The following SUGP2 variants were observed in gnomAD, a reference collection of about 807,000 sequenced individuals.
The protein encoded by SUGP2 is SURP and G-patch domain-containing protein 2.
A neutral mutation model predicts 90.5 loss-of-function variants in SUGP2; 24 were observed. The observed-to-expected ratio is 0.27, with a 90% CI of 0.19 to 0.37. The LOEUF (loss-of-function observed/expected upper bound fraction) is 0.37. Ranked by LOEUF, SUGP2 falls within the 10% of genes least tolerant of loss-of-function variation. SUGP2 has a pLI of 1.00. For synonymous variants in SUGP2, 473 were observed against 513.4 expected (o/e 0.92, Z 1.06); for missense variants, 1,233 against 1,363.3 (o/e 0.90, Z 1.51).
Position 19,005,726 on chromosome 19 carries a change from G to A in SUGP2, c.2451-1080C>T, listed in dbSNP as rs141407157. Among the ~76,000 whole-genome samples the A allele has an allele frequency of 8.5e-5, 13 of 152,110 alleles. No individual in the cohort carries two copies. The East Asian group carries it at 2.5e-3, about 29-fold the overall frequency. ...GTCTCACTCTGTCGTCCAGGCTAGA[G>A]TGCAGTGGTGTGATCACAGCTCACT... On this transcript the variant is annotated intron_variant, in intron 6 of 10. Transcript: ENST00000452918.
chr19:19,013,000 A>G (rs1439505888), intron 4 of SUGP2, among the ~76,000 whole-genome samples: 1 of 151,926 alleles, frequency 6.6e-6, no homozygotes, highest in Admixed American at 6.6e-5. Context: ...AGTAGCTGGG[A>G]TTATAGGCAC....
At chr19:19,002,883 C>T (rs929873168) in intron 7 of SUGP2, among the ~76,000 whole-genome samples, 16 of 152,134 alleles carry the variant, frequency 1.1e-4, no homozygotes, top group African/African-American at 3.9e-4. Flanking sequence ...AAAAACTCCA[C>T]CTCCCCCCAA....
chr19:19,033,638 T>A, upstream of SUGP2: 2 of 1,076,430 alleles, frequency 1.9e-6, no homozygotes, highest in Non-Finnish European at 2.3e-6. Flanking sequence ...CGCTGTCCGC[T>A]TCTTCTGGGC....
At chr19:18,999,249 C>A (rs1418279629) in intron 8 of SUGP2, among the ~76,000 whole-genome samples, 4 of 152,196 alleles carry the variant, frequency 2.6e-5, no homozygotes, top group African/African-American at 9.7e-5. Flanking sequence ...GCTGCAGCCA[C>A]CACGGCCTCC....
In SUGP2 at chr19:19,019,138, T is replaced by C. The variant is rs1483381968; in HGVS notation, c.1821A>G (p.Arg607=). ...VIEGSLSPKE[R]TLLKEDPAYW... ...AAGCAGGGTCCTCTTTGAGAAGAGT[T>C]CTCTCTTTGGGAGACAGGCTGCCTT... The change falls in exon 4 of 11, where the codon AGA becomes AGG. Residue 607 remains arginine, a synonymous_variant. Transcript: ENST00000452918. 2 of 1,614,050 alleles carry C rather than the reference T, an allele frequency of 1.2e-6. No homozygotes were observed. The highest frequency in any genetic ancestry group is 1.1e-5 in the South Asian group (1 of 91,078).
intron 6 of SUGP2, among the ~76,000 whole-genome samples, chr19:19,004,911 G>A (rs2058002260): frequency 6.6e-6 from 1 of 152,200 alleles, no homozygotes; most frequent in Non-Finnish European, 1.5e-5. Flanking sequence ...GGTATGCAGG[G>A]CTTGGGAAAA....
intron 2 of SUGP2, among the ~76,000 whole-genome samples, chr19:19,026,985 A>G (rs910289733): frequency 6.6e-6 from 1 of 152,192 alleles, no homozygotes; most frequent in African/African-American, 2.4e-5. Flanking sequence ...CTCCATGTAG[A>G]AAAGGGGAAA....
rs771202752 is a variant in SUGP2, at chr19:19,010,260, G to T, written c.1933C>A (p.Arg645=). The T allele has an allele frequency of 3.1e-6, 5 of 1,613,902 alleles. No individual in the cohort carries two copies. The highest frequency in any genetic ancestry group is 3.3e-5 in the Admixed American group (2 of 60,004). The change falls in exon 5 of 11, where the codon CGA becomes AGA. Residue 645 remains arginine, a synonymous_variant. Transcript: ENST00000452918. The part of the protein sequence containing the change: ...AEMQRMSENL[R]GADQKPTSAD... The stretch of plus-strand genomic sequence containing the variant: ...GAGGTCGGCTTCTGGTCGGCTCCTC[G>T]CAAGTTCTCGCTCATCCGCTGCATT...
At chr19:18,998,639 CAT>C (rs1321295646) in intron 8 of SUGP2, among the ~76,000 whole-genome samples, 12 of 151,834 alleles carry the variant, frequency 7.9e-5, no homozygotes, top group African/African-American at 1.4e-4. Flanking sequence ...TATGCGTGCA[CAT>C]GTGTGTATCT....
intron 6 of SUGP2, among the ~76,000 whole-genome samples, chr19:19,006,404 T>C (rs1243189351): frequency 6.6e-6 from 1 of 151,930 alleles, no homozygotes; most frequent in Non-Finnish European, 1.5e-5. Flanking sequence ...CCTTGCCCAG[T>C]ATTGTGGTCA....
At chr19:18,994,645 C>T in intron 9 of SUGP2, 159 bp from the exon 10 acceptor site, 1 of 1,039,826 alleles carries the variant, frequency 9.6e-7, no homozygotes, top group Non-Finnish European at 1.4e-6. Context: ...ACAGTAGAAA[C>T]AAGGAGTACT....
At position 18,991,549 on chromosome 19, in the gene SUGP2, T is replaced by C. The variant is rs1186022155; in HGVS notation, c.*2192A>G. On this transcript the variant is annotated 3_prime_UTR_variant, in exon 11 of 11. Coordinates refer to ENST00000452918, the MANE Select transcript of SUGP2 (RefSeq NM_001017392.5). The stretch of plus-strand genomic sequence containing the variant: ...CCACACGCCACAGATTCCTAAAGCA[T>C]TTAACTTTTTAATAAAATGAAGTGG... The C allele has an allele frequency of 6.6e-6, 1 of 152,204 alleles. No individual in the cohort carries two copies. Among genetic ancestry groups the C allele is most frequent in the Non-Finnish European group, 1.5e-5 (1 of 68,046 alleles). 9.4% of individuals were successfully genotyped at this position (152,204 alleles called of 1,614,324 possible).
intron 7 of SUGP2, among the ~76,000 whole-genome samples, chr19:19,002,689 T>C (rs185200179): frequency 5.1e-4 from 78 of 151,960 alleles, no homozygotes; most frequent in Admixed American, 1.2e-3. Flanking sequence ...AATTCTGTAT[T>C]TTTAGTAGAG....
intron 3 of SUGP2, among the ~76,000 whole-genome samples, chr19:19,024,145 T>C (rs1371922200): frequency 6.6e-6 from 1 of 152,206 alleles, no homozygotes; most frequent in African/African-American, 2.4e-5. Flanking sequence ...AGTCTTGCTC[T>C]GTCACCCAGG....
intron 10 of SUGP2, 165 bp downstream of exon 10, chr19:18,994,201 T>A (rs750050677): frequency 2.1e-4 from 201 of 940,438 alleles, no homozygotes; most frequent in Non-Finnish European, 3.0e-4. Context: ...ATGGGGCATA[T>A]CCACATCCAT....
At chr19:19,005,074 G>A (rs926176844) in intron 6 of SUGP2, among the ~76,000 whole-genome samples, 1 of 152,166 alleles carries the variant, frequency 6.6e-6, no homozygotes. Flanking sequence ...GTTACTGCTG[G>A]AACATGTGCA....
At chr19:19,012,527 C>T (rs530939955) in intron 4 of SUGP2, among the ~76,000 whole-genome samples, 2 of 152,214 alleles carry the variant, frequency 1.3e-5, no homozygotes, top group Non-Finnish European at 2.9e-5. Flanking sequence ...GGCTTCAAAT[C>T]TCAGCATAGC....
At chr19:19,024,169 G>C (rs2058834954) in intron 3 of SUGP2, among the ~76,000 whole-genome samples, 1 of 152,110 alleles carries the variant, frequency 6.6e-6, no homozygotes, top group African/African-American at 2.4e-5. Flanking sequence ...GAGTGCAGTG[G>C]GGTGATCTCA....
chr19:19,019,991 CAAAAAAAA>C (rs11434968), intron 3 of SUGP2, among the ~76,000 whole-genome samples: 25 of 34,822 alleles, frequency 7.2e-4, no homozygotes, highest in East Asian at 5.7e-3. Flanking sequence ...TGCTAAAATA[CAAAAAAAA>C]AAAAAAAAAA....
Sources: gnomAD v4.1 joint callset for allele counts (sites outside exome capture counted in the v4.1 genomes callset) on GRCh38, gnomAD v4.1.1 for gene constraint, MANE v1.5 for transcripts, NCBI Gene and HGNC (gene_info 2026-07-23, HGNC 2026-07-21) for gene names.